WDR59: variants seen among roughly 807,000 people sequenced by gnomAD.
WDR59 encodes GATOR2 complex protein WDR59.
WDR59 carries 100 observed loss-of-function variants against 131.2 expected under a neutral mutation model. That is an observed-to-expected ratio of 0.76 (90% CI 0.65 to 0.90). WDR59 has a LOEUF of 0.90. Ranked by LOEUF, WDR59 falls within the 40% of genes least tolerant of loss-of-function variation. The pLI is 0.00. For synonymous variants in WDR59, 601 were observed against 466.2 expected (o/e 1.29, Z -3.72); for missense variants, 1,203 against 1,262.2 (o/e 0.95, Z 0.71).
intron 20 of WDR59, among the ~76,000 whole-genome samples, chr16:74,891,091 C>T (rs923807245): frequency 5.8e-5 from 8 of 138,658 alleles, no homozygotes; most frequent in South Asian, 2.2e-4. Context: ...CCAGCCTGGG[C>T]GACAGAGCGA....
intron 8 of WDR59, among the ~76,000 whole-genome samples, chr16:74,927,323 T>G (rs566892337): frequency 2.6e-5 from 4 of 152,170 alleles, no homozygotes; most frequent in African/African-American, 9.6e-5. Context: ...GCACGGTGGC[T>G]CACACCTATA....
At chr16:74,875,006 G>A (rs901575936) in intron 25 of WDR59, among the ~76,000 whole-genome samples, 5 of 152,190 alleles carry the variant, frequency 3.3e-5, no homozygotes, top group African/African-American at 9.7e-5. Context: ...CTACAGCAGG[G>A]GGCAGCTGCG....
At chr16:74,970,145 G>A (rs1201671492) in intron 1 of WDR59, among the ~76,000 whole-genome samples, 1 of 152,098 alleles carries the variant, frequency 6.6e-6, no homozygotes, top group Non-Finnish European at 1.5e-5. Flanking sequence ...GGCTAGTCTA[G>A]AACTCCTTTC....
chr16:74,967,417 G>A (rs1477503728), intron 1 of WDR59, among the ~76,000 whole-genome samples: 3 of 152,110 alleles, frequency 2.0e-5, no homozygotes, highest in Non-Finnish European at 4.4e-5. Flanking sequence ...GGAGTCTGTG[G>A]TAGGCAGAAT....
chr16:74,877,963 C>T (rs1964295581), intron 25 of WDR59, among the ~76,000 whole-genome samples: 2 of 152,318 alleles, frequency 1.3e-5, no homozygotes, highest in South Asian at 4.1e-4. Context: ...TCTCAAACTG[C>T]CCTTTCCCAA....
intron 1 of WDR59, among the ~76,000 whole-genome samples, chr16:74,976,610 T>G (rs1369505182): frequency 2.0e-5 from 3 of 151,876 alleles, no homozygotes; most frequent in Non-Finnish European, 4.4e-5. Context: ...CCTGGCTAAT[T>G]TTCTGTATTT....
Position 74,985,019 on chromosome 16 carries a change from TC to T in WDR59, c.-3del. ...TTCGCTGCTCCATCGCGCCGCCATC[TC>T]CCCCGCCCGGCCGCCGCGGCCCCAG... On this transcript the variant is annotated 5_prime_UTR_variant, in exon 1 of 26. Transcript: ENST00000262144. The T allele has an allele frequency of 1.3e-6, 2 of 1,574,032 alleles. No individual in the cohort carries two copies. Among genetic ancestry groups the T allele is most frequent in the Non-Finnish European group, 1.7e-6 (2 of 1,159,720 alleles).
intron 17 of WDR59, among the ~76,000 whole-genome samples, chr16:74,904,805 A>C (rs1245463265): frequency 6.6e-6 from 1 of 152,230 alleles, no homozygotes; most frequent in Non-Finnish European, 1.5e-5. Flanking sequence ...GTTGGCATAA[A>C]GGATAAATAG....
At chr16:74,908,745 TGCAA>T in intron 17 of WDR59, 159 bp downstream of exon 17, 1 of 574,684 alleles carries the variant, frequency 1.7e-6, no homozygotes, top group Non-Finnish European at 3.0e-6. Flanking sequence ...ACAGCTTTTT[TGCAA>T]TTTAATTGAC....
intron 20 of WDR59, 34 bp from the exon 21 acceptor site, chr16:74,889,849 T>C (rs1280880261): frequency 7.1e-6 from 11 of 1,551,836 alleles, no homozygotes; most frequent in Admixed American, 3.6e-5. Context: ...AAACTCAAAC[T>C]GGCAAGGACA....
intron 3 of WDR59, among the ~76,000 whole-genome samples, chr16:74,954,114 A>G (rs1462341570): frequency 6.6e-6 from 1 of 152,136 alleles, no homozygotes; most frequent in Non-Finnish European, 1.5e-5. Context: ...AATATAAACT[A>G]AAACCACAAT....
Position 74,985,077 on chromosome 16 carries a change from A to G in WDR59, c.-60T>C. On this transcript the variant is annotated 5_prime_UTR_variant, in exon 1 of 26. Coordinates refer to ENST00000262144, the MANE Select transcript of WDR59 (RefSeq NM_030581.4). The stretch of plus-strand genomic sequence containing the variant: ...GCCCTCCCACCCCGCCGTCCCCAGT[A>G]TCCCGGGACCGTGCGCCCCACACAG... 5 of 1,486,440 alleles carry G rather than the reference A, an allele frequency of 3.4e-6. 1 individual carries two copies. Among genetic ancestry groups the G allele is most frequent in the Middle Eastern group, 3.5e-4 (2 of 5,690 alleles). The allele number at this position is 1,486,440 out of a possible 1,614,324, so 92.1% of individuals were successfully genotyped here.
chr16:74,972,821 TA>T (rs57885889), intron 1 of WDR59, among the ~76,000 whole-genome samples: 18,104 of 54,194 alleles, frequency 0.33, 2,712 homozygotes, highest in Non-Finnish European at 0.44. Flanking sequence ...GACTCTGTCT[TA>T]AAAAAAAAAA....
intron 14 of WDR59, among the ~76,000 whole-genome samples, chr16:74,910,611 A>G (rs1326921594): frequency 1.3e-5 from 2 of 152,164 alleles, no homozygotes; most frequent in Non-Finnish European, 2.9e-5. Context: ...CAGTGACAAG[A>G]GGCATGGATT....
At position 74,921,978 on chromosome 16, in the gene WDR59, G is replaced by A. The variant is rs757065161; in HGVS notation, c.855C>T (p.Val285=). The part of the protein sequence containing the change: ...VHTFVGHDDV[V]LEFQWRKQKE... ...TCTGCTTCCTCCACTGGAACTCCAG[G>A]ACCACATCATCATGCCCCACGAAGG... Residue 285 remains valine (V), a synonymous_variant, in exon 10 of 26, where the codon GTC becomes GTT. Transcript: ENST00000262144. The A allele has an allele frequency of 6.2e-7, 1 of 1,614,092 alleles. No homozygotes were observed. The highest frequency in any genetic ancestry group is 1.1e-5 in the South Asian group (1 of 91,056).
chr16:74,956,524 G>A lies in WDR59; in HGVS notation c.191C>T (p.Ala64Val), dbSNP rs2033298781. The part of the protein sequence containing the change: ...ISRQSKWDIG[A>V]VQWNPHDSFA... The stretch of plus-strand genomic sequence containing the variant: ...GCTGTCATGAGGATTCCACTGCACA[G>A]CTCCAATGTCCCATTTGCTCTGGCG... The change falls in exon 3 of 26, where the codon GCT (alanine) becomes GTT (valine). Residue 64 changes from alanine to valine, a missense_variant. Transcript: ENST00000262144. The A allele has an allele frequency of 1.2e-6, 2 of 1,613,972 alleles. No homozygotes were observed. The highest frequency in any genetic ancestry group is 2.2e-5 in the East Asian group (1 of 44,896).
At chr16:74,909,941 C>G (rs1966002390) in intron 14 of WDR59, 24 bp from the exon 15 acceptor site, 2 of 1,464,714 alleles carry the variant, frequency 1.4e-6, no homozygotes, top group Non-Finnish European at 1.9e-6. Context: ...AAAACACAGT[C>G]AAGAAGAGGA....
chr16:74,905,610 A>G (rs1038971177), intron 17 of WDR59, among the ~76,000 whole-genome samples: 1 of 151,942 alleles, frequency 6.6e-6, no homozygotes, highest in African/African-American at 2.4e-5. Flanking sequence ...TCAACCTGAG[A>G]GGTGGAGCTT....
intron 20 of WDR59, 49 bp from the exon 21 acceptor site, chr16:74,889,864 C>G (rs972604289): frequency 1.4e-5 from 21 of 1,459,318 alleles, no homozygotes; most frequent in Non-Finnish European, 1.7e-5. Context: ...AGGACAAGAA[C>G]CGAAACCATG....
Sources: gnomAD v4.1 joint callset for allele counts (sites outside exome capture counted in the v4.1 genomes callset) on GRCh38, gnomAD v4.1.1 for gene constraint, MANE v1.5 for transcripts, NCBI Gene and HGNC (gene_info 2026-07-23, HGNC 2026-07-21) for gene names.